The following HIRA variants were observed in gnomAD, a reference collection of about 807,000 sequenced individuals.
HIRA encodes the protein histone cell cycle regulator.
A neutral mutation model predicts 126.6 loss-of-function variants in HIRA; 13 were observed. The ratio of observed to expected loss-of-function variants is 0.10; its 90% confidence interval spans 0.07 to 0.16. HIRA has a LOEUF of 0.16. HIRA is among the 10% of genes least tolerant of loss of function. The pLI is 1.00. For missense variants in HIRA, 834 were observed against 1,314.4 expected, an observed-to-expected ratio of 0.63 and a Z score of 5.65; for synonymous variants, 511 against 520.0, an observed-to-expected ratio of 0.98 and a Z score of 0.24.
At chr22:19,375,070 A>G (rs2089004909) in intron 15 of HIRA, among the ~76,000 whole-genome samples, 1 of 152,258 alleles carries the variant, frequency 6.6e-6, no homozygotes, top group African/African-American at 2.4e-5. Flanking sequence ...CAAAACTCCA[A>G]GAAATAAAGA....
intron 1 of HIRA, among the ~76,000 whole-genome samples, chr22:19,412,181 T>C (rs2089358340): frequency 6.6e-6 from 1 of 152,154 alleles, no homozygotes; most frequent in Non-Finnish European, 1.5e-5. Context: ...AGTTGTCATG[T>C]GAGAAGTCCA....
chr22:19,333,590 T>G (rs1382978326), intron 24 of HIRA, among the ~76,000 whole-genome samples: 2 of 152,164 alleles, frequency 1.3e-5, no homozygotes, highest in African/African-American at 4.8e-5. Flanking sequence ...CTACTTAGAG[T>G]TCACTGAGGC....
intron 21 of HIRA, 43 bp from the exon 22 acceptor site, chr22:19,354,161 G>T: frequency 6.3e-7 from 1 of 1,593,286 alleles, no homozygotes; most frequent in Admixed American, 1.7e-5. Flanking sequence ...AAAACCAAGA[G>T]ATCTGGTTGG....
At chr22:19,392,802 T>C (rs984536661) in intron 8 of HIRA, among the ~76,000 whole-genome samples, 1 of 152,190 alleles carries the variant, frequency 6.6e-6, no homozygotes, top group African/African-American at 2.4e-5. Flanking sequence ...GGTGCTTGGT[T>C]GGCTGCTTAG....
chr22:19,377,894 C>A lies in HIRA; in HGVS notation c.1588G>T (p.Ala530Ser), dbSNP rs1324213887. Reference protein sequence around the residue: ...EPVVAASARPAGDSVNKDSMN... With the variant: ...EPVVAASARPSGDSVNKDSMN... ...CTGTCTTTATTGACAGAATCGCCTG[C>A]AGGTCTGGCACTGGCAGCCACCACA... The change falls in exon 14 of 25, where the codon GCA becomes TCA. Residue 530 changes from alanine to serine, a missense_variant. By Grantham distance (99) the Ala-to-Ser change is moderately conservative. This residue lies in a region of HIRA where 468 missense variants were observed against 574.2 expected (regional missense o/e 0.82). Transcript: ENST00000263208. The A allele has an allele frequency of 6.2e-7, 1 of 1,611,838 alleles. No homozygotes were observed. The highest frequency in any genetic ancestry group is 8.5e-7 in the Non-Finnish European group (1 of 1,178,972).
intron 24 of HIRA, among the ~76,000 whole-genome samples, chr22:19,335,773 A>C (rs2088561083): frequency 1.3e-5 from 2 of 152,098 alleles, no homozygotes; most frequent in Non-Finnish European, 2.9e-5. Context: ...TTCATAATAA[A>C]CCCAAATATC....
chr22:19,361,068 C>T (rs1003112692), intron 17 of HIRA, among the ~76,000 whole-genome samples, 169 bp downstream of exon 17: 1 of 152,228 alleles, frequency 6.6e-6, no homozygotes, highest in Non-Finnish European at 1.5e-5. Flanking sequence ...CTGGCAATTT[C>T]GCTAAGAGTT....
At chr22:19,397,333 C>T (rs1003848090) in intron 6 of HIRA, among the ~76,000 whole-genome samples, 2 of 152,180 alleles carry the variant, frequency 1.3e-5, no homozygotes, top group African/African-American at 4.8e-5. Flanking sequence ...TAAGTTATGG[C>T]TGAAGACAAA....
At chr22:19,401,354 T>C (rs537423042) in intron 5 of HIRA, among the ~76,000 whole-genome samples, 40 of 152,334 alleles carry the variant, frequency 2.6e-4, no homozygotes, top group African/African-American at 8.9e-4. Flanking sequence ...GTTGAGCTAC[T>C]GGCCTCAAGT....
rs1601817004 is a variant in HIRA at position 19,360,637 on chromosome 22, C to T, written c.2085+600G>A. 1.3e-5 allele frequency among the ~76,000 whole-genome samples: 2 copies of T among 152,282 alleles called. 1 individual carries two copies. Among genetic ancestry groups the T allele is most frequent in the Middle Eastern group, 6.8e-3 (2 of 294 alleles). Reference sequence around the variant, plus strand: ...ACCTGAGCTGAGGTACAAGGGTATGCAGAGAGGCAGCAGTGTGTGTGACGG... The same window carrying T: ...ACCTGAGCTGAGGTACAAGGGTATGTAGAGAGGCAGCAGTGTGTGTGACGG... On this transcript the variant is annotated intron_variant, in intron 17 of 24. Transcript: ENST00000263208.
At chr22:19,395,342 C>G (rs1399656274) in intron 7 of HIRA, among the ~76,000 whole-genome samples, 2 of 152,130 alleles carry the variant, frequency 1.3e-5, no homozygotes, top group South Asian at 2.1e-4. Context: ...AGAACCACCC[C>G]CTACCTGGAA....
intron 5 of HIRA, chr22:19,399,096 G>A: frequency 1.0e-6 from 1 of 983,708 alleles, no homozygotes; most frequent in Non-Finnish European, 1.2e-6. Flanking sequence ...ATCGATGAGG[G>A]TCCGCTGTGA....
intron 24 of HIRA, among the ~76,000 whole-genome samples, chr22:19,345,109 C>T (rs1472667240): frequency 2.0e-5 from 3 of 152,034 alleles, no homozygotes; most frequent in African/African-American, 7.2e-5. Context: ...TAATATTTAA[C>T]GTAGTATTAA....
intron 19 of HIRA, 82 bp downstream of exon 19, chr22:19,356,808 C>T (rs189766419): frequency 1.4e-5 from 20 of 1,384,028 alleles, no homozygotes; most frequent in Middle Eastern, 2.5e-4. Flanking sequence ...CACTGCCTTC[C>T]CTGCCCCTGC....
At chr22:19,376,588 G>A (rs1354279093) in intron 14 of HIRA, among the ~76,000 whole-genome samples, 2 of 152,170 alleles carry the variant, frequency 1.3e-5, no homozygotes, top group Non-Finnish European at 2.9e-5. Flanking sequence ...GATCTGGCAT[G>A]GTCTGTCCTT....
At chr22:19,406,010 T>C in intron 4 of HIRA, 130 bp from the exon 5 acceptor site, 1 of 469,456 alleles carries the variant, frequency 2.1e-6, no homozygotes. Context: ...AAGCACTGGG[T>C]TGTTGAATAA....
chr22:19,417,614 C>G (rs1004255566), intron 1 of HIRA, among the ~76,000 whole-genome samples: 5 of 152,030 alleles, frequency 3.3e-5, no homozygotes, highest in Non-Finnish European at 5.9e-5. Flanking sequence ...CAGTGAGACT[C>G]CGTCTCAAAA....
At chr22:19,412,141 C>CA (rs1357980582) in intron 1 of HIRA, among the ~76,000 whole-genome samples, 2 of 152,294 alleles carry the variant, frequency 1.3e-5, no homozygotes, top group Admixed American at 6.5e-5. Flanking sequence ...AAGAGTCTAG[C>CA]AGTTCAACTT....
intron 7 of HIRA, among the ~76,000 whole-genome samples, chr22:19,395,999 C>T (rs933680389): frequency 5.9e-5 from 9 of 152,208 alleles, no homozygotes; most frequent in African/African-American, 2.2e-4. Flanking sequence ...GTACTGCTAA[C>T]TCCAGCCAGG....
Sources: gnomAD v4.1 joint callset for allele counts (sites outside exome capture counted in the v4.1 genomes callset) on GRCh38, gnomAD v4.1.1 for gene constraint, gnomAD v4.1.1 regional missense constraint, MANE v1.5 for transcripts, NCBI Gene and HGNC (gene_info 2026-07-23, HGNC 2026-07-21) for gene names.